SNTG1: variants seen among roughly 807,000 people sequenced by gnomAD.
SNTG1 encodes the protein syntrophin gamma 1.
Under a neutral mutation model 74.7 loss-of-function variants are expected in SNTG1, and 39 were observed. The observed-to-expected ratio is 0.52, with a 90% confidence interval of 0.40 to 0.68. The LOEUF is 0.68. Among genes scored for constraint, SNTG1 ranks in the 30% least tolerant of loss-of-function variants. The pLI, the probability that SNTG1 is intolerant of heterozygous loss-of-function variation, is 0.00. For missense variants in SNTG1, 685 were observed against 609.5 expected (o/e 1.12, Z -1.30); for synonymous variants, 254 against 217.1 (o/e 1.17, Z -1.49).
chr8:50,418,089 C>T (rs1411579781), intron 4 of SNTG1, among the ~76,000 whole-genome samples: 1 of 152,034 alleles, frequency 6.6e-6, no homozygotes, highest in Admixed American at 6.6e-5. Flanking sequence ...CTCTCTTGGC[C>T]CGAAATTCTC....
chr8:50,100,849 T>C (rs1311102958), intron 1 of SNTG1, among the ~76,000 whole-genome samples: 2 of 152,096 alleles, frequency 1.3e-5, no homozygotes, highest in South Asian at 2.1e-4. Flanking sequence ...TTGTATGTCA[T>C]TGGGGTTTGG....
intron 18 of SNTG1, among the ~76,000 whole-genome samples, chr8:50,781,845 T>G (rs57605668): frequency 0.12 from 17,823 of 152,158 alleles, 3,118 homozygotes; most frequent in African/African-American, 0.38. Flanking sequence ...GCTGGTACCG[T>G]TTTTTCCTTT....
At chr8:50,424,203 T>C (rs534807790) in intron 4 of SNTG1, among the ~76,000 whole-genome samples, 148 of 152,296 alleles carry the variant, frequency 9.7e-4, no homozygotes, top group Non-Finnish European at 1.7e-3. Context: ...GATAGCGATA[T>C]GTGCCAGGTA....
intron 2 of SNTG1, among the ~76,000 whole-genome samples, chr8:50,297,931 T>C (rs1198049096): frequency 3.3e-5 from 5 of 149,962 alleles, no homozygotes; most frequent in African/African-American, 1.2e-4. Flanking sequence ...CACTATTACA[T>C]AGAGAAAAAT....
intron 12 of SNTG1, among the ~76,000 whole-genome samples, chr8:50,558,540 G>C (rs986130694): frequency 6.6e-6 from 1 of 151,900 alleles, no homozygotes; most frequent in Non-Finnish European, 1.5e-5. Flanking sequence ...AAAAGTTCTT[G>C]CTATTATTTA....
intron 12 of SNTG1, among the ~76,000 whole-genome samples, chr8:50,584,079 A>G (rs1254753607): frequency 1.3e-5 from 2 of 152,126 alleles, no homozygotes; most frequent in Non-Finnish European, 2.9e-5. Context: ...AGCTTCATCC[A>G]TGTCCCTACA....
chr8:50,245,284 G>C (rs1488887946), intron 2 of SNTG1, among the ~76,000 whole-genome samples: 2 of 152,122 alleles, frequency 1.3e-5, no homozygotes, highest in African/African-American at 4.8e-5. Flanking sequence ...CTTGATTTGA[G>C]ACAGATCACC....
chr8:49,964,229 G>A (rs1213127344), intron 1 of SNTG1, among the ~76,000 whole-genome samples: 1 of 152,228 alleles, frequency 6.6e-6, no homozygotes, highest in East Asian at 1.9e-4. Flanking sequence ...CATCTAATCA[G>A]TTGAAGACCT....
intron 9 of SNTG1, among the ~76,000 whole-genome samples, chr8:50,523,012 G>T (rs2094192578): frequency 6.6e-6 from 1 of 152,112 alleles, no homozygotes; most frequent in African/African-American, 2.4e-5. Context: ...AGCTTCTAAA[G>T]CTCCTGCAAC....
intron 2 of SNTG1, among the ~76,000 whole-genome samples, chr8:50,300,255 T>C (rs2089589945): frequency 6.6e-6 from 1 of 152,126 alleles, no homozygotes; most frequent in Non-Finnish European, 1.5e-5. Flanking sequence ...TGTATACTTA[T>C]TTGTTTGCAT....
chr8:50,333,410 G>A (rs935709781), intron 2 of SNTG1, among the ~76,000 whole-genome samples: 3 of 152,132 alleles, frequency 2.0e-5, no homozygotes, highest in African/African-American at 7.2e-5. Flanking sequence ...CTAAACTTTT[G>A]TATATCTTCT....
intron 17 of SNTG1, among the ~76,000 whole-genome samples, chr8:50,749,866 G>A (rs757130369): frequency 2.0e-5 from 3 of 152,030 alleles, no homozygotes; most frequent in Non-Finnish European, 4.4e-5. Context: ...AGATGTGCAA[G>A]GAGGCTAATG....
In SNTG1 at chr8:50,453,476, G is replaced by A. The variant is rs16914917; in HGVS notation, c.363+2747G>A. Among the ~76,000 whole-genome samples the A allele has an allele frequency of 9.8e-3, 1,486 of 152,246 alleles. 29 individuals carry two copies. Among genetic ancestry groups the A allele is most frequent in the African/African-American group, 0.034 (1,412 of 41,538 alleles). On this transcript the variant is annotated intron_variant, in intron 8 of 18. Coordinates refer to ENST00000642720, the MANE Select transcript of SNTG1 (RefSeq NM_018967.5). ...GAAACTAGAACCAGTGCCCAGCACC[G>A]CTTGGCATGCAGCATGGTGCACACA...
chr8:50,541,243 C>CTG (rs200129335), intron 11 of SNTG1, among the ~76,000 whole-genome samples: 16,188 of 142,886 alleles, frequency 0.11, 1,261 homozygotes, highest in African/African-American at 0.22. Flanking sequence ...AAGATTTTAC[C>CTG]TGTGTGTGTG....
intron 15 of SNTG1, among the ~76,000 whole-genome samples, chr8:50,671,531 A>C (rs543708684): frequency 6.6e-6 from 1 of 152,274 alleles, no homozygotes; most frequent in East Asian, 1.9e-4. Context: ...GATCATTAAA[A>C]AGTCAGGAAA....
At chr8:50,179,596 A>T (rs536897993) in intron 2 of SNTG1, among the ~76,000 whole-genome samples, 1 of 152,216 alleles carries the variant, frequency 6.6e-6, no homozygotes, top group Admixed American at 6.5e-5. Context: ...AAAGGAAAAA[A>T]GTAATCTAAT....
At position 50,343,765 on chromosome 8, in the gene SNTG1, C is replaced by T. The variant is rs2091389435; in HGVS notation, c.-27-50447C>T. On this transcript the variant is annotated intron_variant, in intron 2 of 18. Coordinates refer to ENST00000642720, the MANE Select transcript of SNTG1 (RefSeq NM_018967.5). ...TAAGAGTGAGCCTATTAGATAAAAG[C>T]CAAAGCAATTATCTTACTGATTTTT... is the stretch of plus-strand genomic sequence containing the variant. 2.0e-5 allele frequency among the ~76,000 whole-genome samples: 3 copies of T among 151,998 alleles called. No homozygotes were observed. The South Asian group carries it at 6.2e-4, about 32-fold the overall frequency.
intron 2 of SNTG1, among the ~76,000 whole-genome samples, chr8:50,359,519 AT>A (rs1261912305): frequency 2.3e-4 from 35 of 152,270 alleles, no homozygotes; most frequent in Non-Finnish European, 4.9e-4. Context: ...GTTGTTCCCA[AT>A]GTGATAATAT....
intron 1 of SNTG1, among the ~76,000 whole-genome samples, chr8:49,971,616 C>T (rs926732446): frequency 6.6e-6 from 1 of 152,082 alleles, no homozygotes; most frequent in Non-Finnish European, 1.5e-5. Flanking sequence ...CTGGAAAACC[C>T]CATTGTCTCA....
Sources: gnomAD v4.1 joint callset for allele counts (sites outside exome capture counted in the v4.1 genomes callset) on GRCh38, gnomAD v4.1.1 for gene constraint, MANE v1.5 for transcripts, NCBI Gene and HGNC (gene_info 2026-07-23, HGNC 2026-07-21) for gene names.